Variants in RTL4 observed in about 807,000 individuals in gnomAD.
RTL4 encodes the protein retrotransposon Gag like 4, also known as retrotransposon Gag-like protein 4.
A neutral mutation model predicts 5.3 loss-of-function variants in RTL4; 4 were observed. That is an observed-to-expected ratio of 0.75 (90% CI 0.37 to 1.72). The LOEUF is 1.72. Ranked by LOEUF, RTL4 falls within the 40% of genes most tolerant of loss-of-function variation. The pLI is 0.04. For synonymous variants in RTL4, 98 were observed against 87.3 expected, an observed-to-expected ratio of 1.12 and a Z score of -0.68; for missense variants, 260 against 227.1, an observed-to-expected ratio of 1.14 and a Z score of -0.93.
the RTL4 span, among the ~76,000 whole-genome samples, chrX:112,434,861 C>T: frequency 1.1e-4 from 12 of 111,198 alleles, no homozygotes; most frequent in African/African-American, 2.6e-4. Flanking sequence ...AGGAAATATC[C>T]GAAACTGGGT....
At chrX:112,169,840 A>G in the RTL4 span, among the ~76,000 whole-genome samples, 5 of 112,023 alleles carry the variant, frequency 4.5e-5, no homozygotes, top group South Asian at 1.9e-3. Flanking sequence ...ACTCCAAAAA[A>G]GAGGAGTGGG....
At chrX:112,222,296 T>C in the RTL4 span, among the ~76,000 whole-genome samples, 2 of 111,527 alleles carry the variant, frequency 1.8e-5, no homozygotes, top group East Asian at 5.7e-4. Flanking sequence ...CTTCATGCAA[T>C]GGGGGACAGG....
At chrX:112,354,358 A>T in the RTL4 span, among the ~76,000 whole-genome samples, 1 of 111,398 alleles carries the variant, frequency 9.0e-6, no homozygotes, top group African/African-American at 3.3e-5. Context: ...AATAGTACCT[A>T]ACCTTCCTCA....
At chrX:112,199,765 T>C in the RTL4 span, among the ~76,000 whole-genome samples, 1 of 111,532 alleles carries the variant, frequency 9.0e-6, no homozygotes, top group Admixed American at 9.5e-5. Context: ...TACCAGAAAA[T>C]TACTCAAACA....
the RTL4 span, among the ~76,000 whole-genome samples, chrX:112,269,688 G>T: frequency 2.7e-5 from 3 of 111,931 alleles, no homozygotes; most frequent in East Asian, 5.6e-4. Flanking sequence ...CAGGTCTCTT[G>T]CCTTGAAAGC....
At chrX:112,334,173 T>C in the RTL4 span, among the ~76,000 whole-genome samples, 6 of 112,033 alleles carry the variant, frequency 5.4e-5, no homozygotes, top group South Asian at 2.2e-3. Flanking sequence ...ATTGTGTATA[T>C]GTACCACATT....
chrX:112,140,965 G>T, the RTL4 span, among the ~76,000 whole-genome samples: 1 of 111,711 alleles, frequency 9.0e-6, no homozygotes, highest in Non-Finnish European at 1.9e-5. Context: ...ACAGTCTCAT[G>T]CTGGAATTTT....
chrX:112,425,424 A>G, the RTL4 span, among the ~76,000 whole-genome samples: 1 of 111,399 alleles, frequency 9.0e-6, no homozygotes. Flanking sequence ...TAAGTTTTCA[A>G]TTCCTTTAGG....
chrX:112,234,666 G>A, the RTL4 span, among the ~76,000 whole-genome samples: 4 of 111,876 alleles, frequency 3.6e-5, no homozygotes, highest in Non-Finnish European at 5.6e-5. Flanking sequence ...CTCTGTCTTT[G>A]CCAGAGCAAA....
At chrX:112,433,278 G>A in the RTL4 span, among the ~76,000 whole-genome samples, 6 of 105,753 alleles carry the variant, frequency 5.7e-5, no homozygotes, top group East Asian at 1.5e-3. Flanking sequence ...GAAAGTCATT[G>A]GTAGCTTGAT....
At chrX:112,422,027 T>C in the RTL4 span, among the ~76,000 whole-genome samples, 63 of 112,013 alleles carry the variant, frequency 5.6e-4, no homozygotes, top group Non-Finnish European at 1.1e-3. Flanking sequence ...AACCTGAGAA[T>C]CAATTTTGTC....
chrX:112,113,310 A>G, the RTL4 span, among the ~76,000 whole-genome samples: 7 of 110,962 alleles, frequency 6.3e-5, no homozygotes, highest in Admixed American at 6.7e-4. Context: ...ATTCATGTAG[A>G]TAATAGCTCC....
At chrX:112,329,505 T>A in the RTL4 span, among the ~76,000 whole-genome samples, 22,320 of 109,584 alleles carry the variant, frequency 0.2, 1,832 homozygotes, top group Admixed American at 0.31. Flanking sequence ...TCTGAAATTG[T>A]GGCAATAATC....
chrX:112,106,342 G>C, the RTL4 span, among the ~76,000 whole-genome samples: 1 of 111,856 alleles, frequency 8.9e-6, no homozygotes, highest in African/African-American at 3.2e-5. Context: ...TCAGGGTAAT[G>C]CTGGCCTCAT....
chrX:112,245,817 TCC>T, the RTL4 span, among the ~76,000 whole-genome samples: 1 of 112,559 alleles, frequency 8.9e-6, no homozygotes, highest in African/African-American at 3.2e-5. Flanking sequence ...CTCTGGTTTC[TCC>T]CCATCTTTGT....
At chrX:112,318,739 AC>A in the RTL4 span, among the ~76,000 whole-genome samples, 2 of 109,798 alleles carry the variant, frequency 1.8e-5, no homozygotes, top group Non-Finnish European at 3.8e-5. Flanking sequence ...GAATCTCAAC[AC>A]CCCCCACCCC....
At chrX:112,424,092 A>G in the RTL4 span, among the ~76,000 whole-genome samples, 1 of 111,951 alleles carries the variant, frequency 8.9e-6, no homozygotes, top group Non-Finnish European at 1.9e-5. Flanking sequence ...AGAATCAACC[A>G]TATAAATCCA....
chrX:112,122,764 GATTAT>G, the RTL4 span, among the ~76,000 whole-genome samples: 1 of 110,898 alleles, frequency 9.0e-6, no homozygotes, highest in East Asian at 2.8e-4. Context: ...ATCCATTAGA[GATTAT>G]ATTAGATTAT....
At chrX:112,233,323 G>A in the RTL4 span, among the ~76,000 whole-genome samples, 9 of 111,096 alleles carry the variant, frequency 8.1e-5, no homozygotes, top group African/African-American at 3.0e-4. Context: ...CTGCATTTTG[G>A]TTTGTGGCTT....
Sources: gnomAD v4.1 joint callset for allele counts (sites outside exome capture counted in the v4.1 genomes callset) on GRCh38, gnomAD v4.1.1 for gene constraint, MANE v1.5 for transcripts, NCBI Gene and HGNC (gene_info 2026-07-23, HGNC 2026-07-21) for gene names.